The following PLCXD3 variants were observed in gnomAD, a reference collection of about 807,000 sequenced individuals.
PLCXD3 encodes PI-PLC X domain-containing protein 3.
PLCXD3 carries 19 observed loss-of-function variants against 25.5 expected under a neutral mutation model. The observed-to-expected ratio is 0.75, with a 90% confidence interval of 0.52 to 1.09. The LOEUF is 1.09. PLCXD3 is among the 50% of genes least tolerant of loss of function. The pLI is 0.00. For missense variants in PLCXD3, 411 were observed against 388.1 expected, an observed-to-expected ratio of 1.06 and a Z score of -0.50; for synonymous variants, 174 against 137.6, an observed-to-expected ratio of 1.26 and a Z score of -1.85.
chr5:41,347,819 G>GA (rs1392420521), intron 2 of PLCXD3, among the ~76,000 whole-genome samples: 1 of 152,176 alleles, frequency 6.6e-6, no homozygotes, highest in African/African-American at 2.4e-5. Context: ...ACTGAGAGAG[G>GA]AAAAACATAT....
At chr5:41,407,654 T>C (rs1311397555) in intron 1 of PLCXD3, among the ~76,000 whole-genome samples, 1 of 152,230 alleles carries the variant, frequency 6.6e-6, no homozygotes, top group Admixed American at 6.5e-5. Flanking sequence ...ACAAGACTTC[T>C]AGAATTGAAC....
chr5:41,448,697 T>A (rs1202604681), intron 1 of PLCXD3, among the ~76,000 whole-genome samples: 1 of 152,164 alleles, frequency 6.6e-6, no homozygotes, highest in Non-Finnish European at 1.5e-5. Flanking sequence ...TACCTCTTTT[T>A]TCACCAAGTA....
chr5:41,443,473 A>T (rs977345568), intron 1 of PLCXD3, among the ~76,000 whole-genome samples: 1 of 152,212 alleles, frequency 6.6e-6, no homozygotes, highest in Non-Finnish European at 1.5e-5. Flanking sequence ...ATGACTGTAT[A>T]TATATTAGTT....
intron 2 of PLCXD3, among the ~76,000 whole-genome samples, chr5:41,325,376 C>T (rs1743597646): frequency 6.6e-6 from 1 of 152,192 alleles, no homozygotes; most frequent in Non-Finnish European, 1.5e-5. Context: ...ACTCACTGTA[C>T]TGGATTAAAA....
In PLCXD3 at chr5:41,372,466, T is replaced by C. The variant is rs979858171; in HGVS notation, c.812+9360A>G. On this transcript the variant is annotated intron_variant, in intron 2 of 2. Transcript: ENST00000377801. ...TTAAATGTATTTTAATCTTCTTTAA[T>C]CTTACAACATCAGCAGAATGAAGGA... is the stretch of plus-strand genomic sequence containing the variant. Among the ~76,000 whole-genome samples the C allele has an allele frequency of 2.0e-5, 3 of 152,226 alleles. No homozygotes were observed. In the East Asian group the frequency reaches 5.8e-4, roughly 29 times the overall value.
At chr5:41,396,658 A>T (rs978071066) in intron 1 of PLCXD3, among the ~76,000 whole-genome samples, 1 of 152,220 alleles carries the variant, frequency 6.6e-6, no homozygotes, top group African/African-American at 2.4e-5. Flanking sequence ...AAAATGAGAG[A>T]AAGTTTGGAA....
rs1456561048 is a variant in PLCXD3 at position 41,333,904 on chromosome 5, A to T, written c.813-20134T>A. Among the ~76,000 whole-genome samples, 6 of 152,188 alleles carry T rather than the reference A, an allele frequency of 3.9e-5. No individual in the cohort carries two copies. The East Asian group carries it at 1.2e-3, about 29-fold the overall frequency. ...CCCCTTGTTGCTGCAAAAGGAAAAA[A>T]ATCCCCTCACCTTGACTTTCCCAGA... On this transcript the variant is annotated intron_variant, in intron 2 of 2. Transcript: ENST00000377801.
At chr5:41,494,485 A>G (rs1395529883) in intron 1 of PLCXD3, among the ~76,000 whole-genome samples, 1 of 152,212 alleles carries the variant, frequency 6.6e-6, no homozygotes, top group Non-Finnish European at 1.5e-5. Flanking sequence ...GGATTTAAGT[A>G]AAAAATAAAA....
chr5:41,441,820 T>C (rs932201588), intron 1 of PLCXD3, among the ~76,000 whole-genome samples: 1 of 152,178 alleles, frequency 6.6e-6, no homozygotes, highest in African/African-American at 2.4e-5. Context: ...ATATGATCTA[T>C]GATAAATGTG....
At chr5:41,467,933 A>G (rs767069859) in intron 1 of PLCXD3, among the ~76,000 whole-genome samples, 22 of 149,672 alleles carry the variant, frequency 1.5e-4, no homozygotes, top group Non-Finnish European at 2.5e-4. Flanking sequence ...GTTTTTATGC[A>G]GGCAACATGA....
intron 1 of PLCXD3, among the ~76,000 whole-genome samples, chr5:41,496,480 T>A (rs764510074): frequency 6.6e-6 from 1 of 151,906 alleles, no homozygotes; most frequent in Non-Finnish European, 1.5e-5. Context: ...ACTAGTCACA[T>A]ACAAGGAAAA....
chr5:41,494,284 T>C (rs1485720983), intron 1 of PLCXD3, among the ~76,000 whole-genome samples: 1 of 152,140 alleles, frequency 6.6e-6, no homozygotes, highest in Non-Finnish European at 1.5e-5. Flanking sequence ...AACTTACACT[T>C]CTGAAAGATA....
At chr5:41,439,439 G>A (rs1159055415) in intron 1 of PLCXD3, among the ~76,000 whole-genome samples, 1 of 152,018 alleles carries the variant, frequency 6.6e-6, no homozygotes, top group Non-Finnish European at 1.5e-5. Flanking sequence ...AAAGTATTAT[G>A]TATTATTTGG....
rs1458104382 is a variant in PLCXD3, at chr5:41,311,968, T to G, written c.*1649A>C. 1 of 152,596 alleles carries G rather than the reference T, an allele frequency of 6.6e-6. No homozygotes were observed. The highest frequency in any genetic ancestry group is 1.5e-5 in the Non-Finnish European group (1 of 68,012). 9.5% of individuals were successfully genotyped at this position (152,596 alleles called of 1,614,324 possible). ...ATTATCCTAGGAAACTATTGGGGTG[T>G]GATTATTTCTAAACATGAAAATAAA... On this transcript the variant is annotated 3_prime_UTR_variant, in exon 3 of 3. Coordinates refer to ENST00000377801, the MANE Select transcript of PLCXD3 (RefSeq NM_001005473.3).
Position 41,313,368 on chromosome 5 carries a change from C to G in PLCXD3, c.*249G>C. ...AGACTAATTTTGAAAAACAAAGTTA[C>G]TGGTCTTTTTTTTTTATTCCTAACA... On this transcript the variant is annotated 3_prime_UTR_variant, in exon 3 of 3. Transcript: ENST00000377801. 1 of 423,370 alleles carries G rather than the reference C, an allele frequency of 2.4e-6. No individual in the cohort carries two copies. Among genetic ancestry groups the G allele is most frequent in the Non-Finnish European group, 4.2e-6 (1 of 238,836 alleles). 26.2% of individuals were successfully genotyped at this position (423,370 alleles called of 1,614,324 possible).
Position 41,437,962 on chromosome 5 carries a change from C to G in PLCXD3, c.104-55428G>C, listed in dbSNP as rs1747293819. On this transcript the variant is annotated intron_variant, in intron 1 of 2. Coordinates refer to ENST00000377801, the MANE Select transcript of PLCXD3 (RefSeq NM_001005473.3). ...CTGGACATGGACTATAGTACATTCC[C>G]CAGCCCCTCTTGGAGCCATGTGTAA... Among the ~76,000 whole-genome samples the G allele has an allele frequency of 2.0e-5, 3 of 152,152 alleles. No individual in the cohort carries two copies. The South Asian group carries it at 6.2e-4, about 32-fold the overall frequency.
intron 1 of PLCXD3, among the ~76,000 whole-genome samples, chr5:41,482,781 T>C (rs1354583069): frequency 6.6e-6 from 1 of 152,236 alleles, no homozygotes; most frequent in Non-Finnish European, 1.5e-5. Context: ...TTCTTTAATT[T>C]AGGTTTAAAA....
chr5:41,411,963 T>TATATGTATCC (rs1460184247), intron 1 of PLCXD3, among the ~76,000 whole-genome samples: 3 of 115,312 alleles, frequency 2.6e-5, no homozygotes, highest in East Asian at 4.4e-4. Context: ...TGTATCCATA[T>TATATGTATCC]ATATATATGT....
In PLCXD3 at chr5:41,313,701, A is replaced by G; in HGVS notation, c.882T>C (p.Thr294=). The G allele has an allele frequency of 6.2e-7, 1 of 1,613,940 alleles. No individual in the cohort carries two copies. The highest frequency in any genetic ancestry group is 8.5e-7 in the Non-Finnish European group (1 of 1,179,852). The change falls in exon 3 of 3, where the codon ACT becomes ACC. Residue 294 remains threonine, a synonymous_variant. Coordinates refer to ENST00000377801, the MANE Select transcript of PLCXD3 (RefSeq NM_001005473.3). ...AGTCACCAAGTTCTACAAAATCGGCAGTGACAATATTGATGCCACTCTCTC... is the reference window on the plus strand; with the variant it reads ...AGTCACCAAGTTCTACAAAATCGGCGGTGACAATATTGATGCCACTCTCTC... ...KPGESGINIV[T]ADFVELGDFI... is the part of the protein sequence containing the mutation.
Sources: allele counts gnomAD v4.1 joint callset (sites outside exome capture counted in the v4.1 genomes callset), GRCh38; gene constraint gnomAD v4.1.1; transcripts MANE v1.5; gene names NCBI Gene and HGNC (gene_info 2026-07-23, HGNC 2026-07-21).